RNF180: variants seen among roughly 807,000 people sequenced by gnomAD.
RNF180 encodes the protein E3 ubiquitin-protein ligase RNF180.
RNF180 carries 38 observed loss-of-function variants against 59.2 expected under a neutral mutation model. The observed-to-expected ratio is 0.64, with a 90% CI of 0.50 to 0.84. The LOEUF is 0.84. Among genes scored for constraint, RNF180 ranks in the 40% least tolerant of loss-of-function variants. The pLI is 0.00. For missense variants in RNF180, 705 were observed against 700.9 expected, an observed-to-expected ratio of 1.01 and a Z score of -0.07; for synonymous variants, 262 against 240.3, an observed-to-expected ratio of 1.09 and a Z score of -0.84.
chr5:64,305,872 A>G (rs954497578), intron 5 of RNF180, among the ~76,000 whole-genome samples: 2 of 151,574 alleles, frequency 1.3e-5, no homozygotes, highest in Admixed American at 6.6e-5. Context: ...ACATGTCATT[A>G]TTAAGACCAA....
chr5:64,218,135 A>G (rs575541139), intron 5 of RNF180, among the ~76,000 whole-genome samples: 3 of 152,106 alleles, frequency 2.0e-5, no homozygotes, highest in South Asian at 2.1e-4. Flanking sequence ...ATGACGTCCT[A>G]TTTCTCAAAA....
chr5:64,365,703 T>A (rs936848971), intron 7 of RNF180, among the ~76,000 whole-genome samples: 1 of 151,654 alleles, frequency 6.6e-6, no homozygotes, highest in African/African-American at 2.4e-5. Context: ...AGTATTCTTA[T>A]GGAATTGAAC....
intron 5 of RNF180, among the ~76,000 whole-genome samples, chr5:64,269,305 A>G (rs950258228): frequency 6.6e-6 from 1 of 152,100 alleles, no homozygotes; most frequent in Non-Finnish European, 1.5e-5. Flanking sequence ...TGGCACAGTC[A>G]TTGCTCACTG....
At chr5:64,339,788 A>C (rs972736796) in intron 7 of RNF180, among the ~76,000 whole-genome samples, 1 of 152,200 alleles carries the variant, frequency 6.6e-6, no homozygotes, top group South Asian at 2.1e-4. Context: ...CTCAGGCATA[A>C]AACTAGCTAA....
intron 5 of RNF180, among the ~76,000 whole-genome samples, chr5:64,254,136 G>A (rs532576096): frequency 1.3e-5 from 2 of 152,156 alleles, no homozygotes; most frequent in African/African-American, 4.8e-5. Flanking sequence ...CACATAAAAG[G>A]TTGAAAAATC....
chr5:64,336,193 G>C (rs1402817676), intron 7 of RNF180, among the ~76,000 whole-genome samples: 1 of 152,094 alleles, frequency 6.6e-6, no homozygotes, highest in Non-Finnish European at 1.5e-5. Flanking sequence ...CTTAATGTGT[G>C]TCATTTTGTG....
intron 1 of RNF180, among the ~76,000 whole-genome samples, chr5:64,191,712 G>T (rs1006085489): frequency 6.6e-6 from 1 of 152,102 alleles, no homozygotes; most frequent in Admixed American, 6.5e-5. Context: ...TATCTAAATG[G>T]TTTCCAAATA....
chr5:64,313,234 T>C (rs1743866430), intron 5 of RNF180, among the ~76,000 whole-genome samples: 1 of 152,112 alleles, frequency 6.6e-6, no homozygotes, highest in Non-Finnish European at 1.5e-5. Flanking sequence ...GAGGTTTTGT[T>C]GTATAGATTA....
At chr5:64,173,334 T>A (rs1750045414) in intron 1 of RNF180, among the ~76,000 whole-genome samples, 1 of 152,206 alleles carries the variant, frequency 6.6e-6, no homozygotes, top group South Asian at 2.1e-4. Flanking sequence ...TTCACTGTAC[T>A]TTTATTTATA....
At chr5:64,354,014 A>C (rs1745921644) in intron 7 of RNF180, among the ~76,000 whole-genome samples, 1 of 151,714 alleles carries the variant, frequency 6.6e-6, no homozygotes, top group South Asian at 2.1e-4. Context: ...AAATGCCTCC[A>C]TTAAAAAAAG....
At chr5:64,291,652 C>T (rs922742691) in intron 5 of RNF180, among the ~76,000 whole-genome samples, 1 of 151,840 alleles carries the variant, frequency 6.6e-6, no homozygotes, top group African/African-American at 2.4e-5. Flanking sequence ...TGGTCTCGAT[C>T]TCCTGACCTC....
At chr5:64,332,962 A>C (rs1270180947) in intron 7 of RNF180, among the ~76,000 whole-genome samples, 2 of 152,220 alleles carry the variant, frequency 1.3e-5, no homozygotes, top group African/African-American at 2.4e-5. Flanking sequence ...AGATAGAAGC[A>C]GAGCCCCTAT....
Position 64,214,295 on chromosome 5 carries a change from T to C in RNF180, c.969T>C (p.His323=), listed in dbSNP as rs1456666183. 2.5e-6 allele frequency: 4 copies of C among 1,614,060 alleles called. No homozygotes were observed. The highest frequency in any genetic ancestry group is 1.7e-5 in the Admixed American group (1 of 59,954). Residue 323 remains histidine (H), a synonymous_variant, in exon 4 of 8, where the codon CAT becomes CAC. Transcript: ENST00000389100. ...GLEAASVYSD[H]TNTNNLTFLM... The stretch of plus-strand genomic sequence containing the variant: ...AAGCTGCTTCAGTGTATTCTGACCA[T>C]ACTAATACTAACAATCTGACTTTCC...
chr5:64,312,296 T>G (rs1332238838), intron 5 of RNF180, among the ~76,000 whole-genome samples: 3 of 152,222 alleles, frequency 2.0e-5, no homozygotes, highest in African/African-American at 7.2e-5. Context: ...CAGATGCCTT[T>G]CTGGACTGGA....
rs192530444 is a variant in RNF180 at position 64,172,982 on chromosome 5, G to A, written c.-1+7029G>A. Among the ~76,000 whole-genome samples, 223 of 152,272 alleles carry A rather than the reference G, an allele frequency of 1.5e-3. 1 individual carries two copies. Among genetic ancestry groups the A allele is most frequent in the African/African-American group, 5.1e-3 (214 of 41,560 alleles). ...CTGGGATAAAAGAGTATTTGGGTTT[G>A]GAACCACTGGGAAATGTTAAATAAT... On this transcript the variant is annotated intron_variant, in intron 1 of 7. Transcript: ENST00000389100.
At chr5:64,361,984 C>T (rs183679878) in intron 7 of RNF180, among the ~76,000 whole-genome samples, 7 of 151,376 alleles carry the variant, frequency 4.6e-5, no homozygotes, top group Admixed American at 4.6e-4. Context: ...CCCTACCAGA[C>T]AAAATCTTCT....
chr5:64,295,819 A>C (rs1742856866), intron 5 of RNF180, among the ~76,000 whole-genome samples: 1 of 152,156 alleles, frequency 6.6e-6, no homozygotes, highest in Non-Finnish European at 1.5e-5. Context: ...CAATCCTCAA[A>C]ATTTGTCTTA....
chr5:64,289,853 AT>A (rs988851466), intron 5 of RNF180, among the ~76,000 whole-genome samples: 4 of 151,290 alleles, frequency 2.6e-5, no homozygotes, highest in Admixed American at 6.6e-5. Flanking sequence ...GGATTTGTTT[AT>A]TTTTTTTGAA....
chr5:64,172,026 GCTT>G lies in RNF180; in HGVS notation c.-1+6080_-1+6082del, dbSNP rs1749963072. ...TTCAGCCTCAGTTCTCTTTGTTTGA[GCTT>G]CTTCTTTTATAACAGTAATGTCTTT... On this transcript the variant is annotated intron_variant, in intron 1 of 7. Transcript: ENST00000389100. 3.3e-5 allele frequency among the ~76,000 whole-genome samples: 5 copies of G among 152,284 alleles called. No homozygotes were observed. In the South Asian group the frequency reaches 6.2e-4, roughly 19 times the overall value.
Sources: gnomAD v4.1 joint callset for allele counts (sites outside exome capture counted in the v4.1 genomes callset) on GRCh38, gnomAD v4.1.1 for gene constraint, MANE v1.5 for transcripts, NCBI Gene and HGNC (gene_info 2026-07-23, HGNC 2026-07-21) for gene names.